TSPAN11: variants seen among roughly 807,000 people sequenced by gnomAD.
The protein encoded by TSPAN11 is tetraspanin 11.
Under a neutral mutation model 32.9 loss-of-function variants are expected in TSPAN11, and 29 were observed. That is an observed-to-expected ratio of 0.88 (90% confidence interval 0.66 to 1.20). The LOEUF (loss-of-function observed/expected upper bound fraction) is 1.20. TSPAN11 is among the 50% of genes most tolerant of loss of function. The pLI is 0.00. For synonymous variants in TSPAN11, 140 were observed against 141.3 expected (o/e 0.99, Z 0.07); for missense variants, 283 against 329.1 (o/e 0.86, Z 1.08).
chr12:30,980,465 T>C (rs968034143), intron 5 of TSPAN11, among the ~76,000 whole-genome samples: 3 of 152,066 alleles, frequency 2.0e-5, no homozygotes, highest in African/African-American at 7.3e-5. Flanking sequence ...ACAGCACTGC[T>C]CTAGGATCCG....
At chr12:30,929,935 AG>A (rs1336473103) in intron 1 of TSPAN11, among the ~76,000 whole-genome samples, 1 of 152,196 alleles carries the variant, frequency 6.6e-6, no homozygotes, top group Admixed American at 6.5e-5. Context: ...CCCTTTTCTA[AG>A]CCCCATAGGG....
At chr12:30,971,205 A>G (rs1488471699) in intron 3 of TSPAN11, among the ~76,000 whole-genome samples, 1 of 152,152 alleles carries the variant, frequency 6.6e-6, no homozygotes, top group African/African-American at 2.4e-5. Flanking sequence ...CACAAACCCT[A>G]TCTCTAATTA....
chr12:30,935,947 A>T (rs916630412), intron 1 of TSPAN11, among the ~76,000 whole-genome samples: 2 of 152,242 alleles, frequency 1.3e-5, no homozygotes, highest in Non-Finnish European at 1.5e-5. Context: ...TTATCCCTGC[A>T]GAGAACCAGG....
intron 1 of TSPAN11, among the ~76,000 whole-genome samples, chr12:30,942,668 T>C (rs1349586587): frequency 2.0e-5 from 3 of 151,076 alleles, no homozygotes; most frequent in Non-Finnish European, 2.9e-5. Flanking sequence ...ACTTGCCTGA[T>C]GATAGGAGCA....
At chr12:30,968,350 C>G (rs1938780924) in intron 3 of TSPAN11, among the ~76,000 whole-genome samples, 1 of 152,262 alleles carries the variant, frequency 6.6e-6, no homozygotes, top group African/African-American at 2.4e-5. Context: ...TGTCCTGGCA[C>G]AGCCCTTCCT....
rs1189028919 is a variant in TSPAN11, at chr12:30,994,101, A to G, written c.*2186A>G. The G allele has an allele frequency of 6.6e-6, 1 of 152,300 alleles. No individual in the cohort carries two copies. The highest frequency in any genetic ancestry group is 1.5e-5 in the Non-Finnish European group (1 of 68,092). 9.4% of individuals were successfully genotyped at this position (152,300 alleles called of 1,614,324 possible). ...GCGGCAGACAGTGGTAGAACAACCC[A>G]GGGCTTGGAAATCTGACCTCCTTGT... On this transcript the variant is annotated 3_prime_UTR_variant, in exon 8 of 8. Transcript: ENST00000546076.
At chr12:31,013,771 C>G in the TSPAN11 span, among the ~76,000 whole-genome samples, 3 of 152,106 alleles carry the variant, frequency 2.0e-5, no homozygotes, top group African/African-American at 7.2e-5. Context: ...GAAAAACACC[C>G]AAAACCAAGG....
chr12:30,949,763 C>T (rs527729172), intron 1 of TSPAN11, among the ~76,000 whole-genome samples: 1 of 152,234 alleles, frequency 6.6e-6, no homozygotes, highest in East Asian at 1.9e-4. Flanking sequence ...CATTTCCTCC[C>T]ACCTCATGGG....
At position 30,975,864 on chromosome 12, in the gene TSPAN11, C is replaced by T. The variant is rs1938959389; in HGVS notation, c.277-2697C>T. On this transcript the variant is annotated intron_variant, in intron 3 of 7. Transcript: ENST00000546076. The surrounding 1 kb of genome is among the most constrained non-coding windows in gnomAD (Gnocchi z 4.5). ...GGGGCACTCCATCACCTCTTCCTCCCATGCCCCAGAGGTCTCTGGGAGCCA... is the reference window on the plus strand; with the variant it reads ...GGGGCACTCCATCACCTCTTCCTCCTATGCCCCAGAGGTCTCTGGGAGCCA... 6.6e-6 allele frequency among the ~76,000 whole-genome samples: 1 copy of T among 152,208 alleles called. No homozygotes were observed. The highest frequency in any genetic ancestry group is 2.1e-4 in the South Asian group (1 of 4,832).
chr12:30,928,281 C>T (rs1379750168), intron 1 of TSPAN11, among the ~76,000 whole-genome samples: 1 of 152,180 alleles, frequency 6.6e-6, no homozygotes. Flanking sequence ...TAACCACCAA[C>T]TTGCTTTTCT....
intron 3 of TSPAN11, 153 bp from the exon 4 acceptor site, chr12:30,978,408 C>T: frequency 1.4e-6 from 1 of 719,826 alleles, no homozygotes; most frequent in South Asian, 1.7e-5. Flanking sequence ...AACTTGGTGC[C>T]AGCAGCCAGT....
chr12:30,964,852 C>T (rs951585296), intron 3 of TSPAN11, among the ~76,000 whole-genome samples: 3 of 152,188 alleles, frequency 2.0e-5, no homozygotes. Context: ...AAATTAGGCT[C>T]GTGTGTTAAA....
chr12:30,948,751 G>T (rs1220111985), intron 1 of TSPAN11, among the ~76,000 whole-genome samples: 1 of 152,174 alleles, frequency 6.6e-6, no homozygotes, highest in Admixed American at 6.5e-5. Flanking sequence ...TTTCCCCATT[G>T]TCTTGGGGAT....
At chr12:30,957,773 TTCCCTCCCTCCCTCCC>T (rs1402326890) in intron 2 of TSPAN11, among the ~76,000 whole-genome samples, 4 of 12,822 alleles carry the variant, frequency 3.1e-4, no homozygotes, top group African/African-American at 2.1e-3. Flanking sequence ...CCTTCCTTCC[TTCCCTCCCTCCCTCCC>T]TCCTTCCTTC....
intron 1 of TSPAN11, among the ~76,000 whole-genome samples, chr12:30,939,091 G>A (rs376434588): frequency 2.6e-5 from 4 of 152,008 alleles, no homozygotes; most frequent in Non-Finnish European, 5.9e-5. Context: ...AATTAGCCAG[G>A]TGTGGTGGGC....
intron 1 of TSPAN11, among the ~76,000 whole-genome samples, chr12:30,950,650 T>G (rs1181948723): frequency 6.6e-6 from 1 of 152,214 alleles, no homozygotes; most frequent in African/African-American, 2.4e-5. Flanking sequence ...ACACTCAGTT[T>G]GCAGGTAAGC....
chr12:30,984,685 A>C (rs958003925), intron 7 of TSPAN11, among the ~76,000 whole-genome samples: 5 of 149,166 alleles, frequency 3.4e-5, no homozygotes, highest in Non-Finnish European at 7.4e-5. Flanking sequence ...CAGCCTCCCA[A>C]GTAGCTGGGA....
At chr12:30,940,557 C>T (rs1378982904) in intron 1 of TSPAN11, among the ~76,000 whole-genome samples, 1 of 152,146 alleles carries the variant, frequency 6.6e-6, no homozygotes, top group Non-Finnish European at 1.5e-5. Flanking sequence ...TGACAAGCAG[C>T]ATAACATGGT....
At chr12:30,990,931 A>G (rs1939299901) in intron 7 of TSPAN11, among the ~76,000 whole-genome samples, 2 of 152,168 alleles carry the variant, frequency 1.3e-5, no homozygotes, top group African/African-American at 4.8e-5. Flanking sequence ...CATCATTATC[A>G]GGATCATAAT....
Sources: allele counts gnomAD v4.1 joint callset (sites outside exome capture counted in the v4.1 genomes callset), GRCh38; gene constraint gnomAD v4.1.1; non-coding constraint Gnocchi (gnomAD v3.1); transcripts MANE v1.5; gene names NCBI Gene and HGNC (gene_info 2026-07-23, HGNC 2026-07-21).